The following NIBAN1 variants were observed in gnomAD, a reference collection of about 807,000 sequenced individuals.
The protein encoded by NIBAN1 is protein Niban 1.
In NIBAN1, 81 loss-of-function variants were observed where a neutral mutation model predicts 75.1. The ratio of observed to expected loss-of-function variants is 1.08; its 90% CI spans 0.90 to 1.30. The LOEUF (loss-of-function observed/expected upper bound fraction) is 1.30. NIBAN1 is among the 50% of genes most tolerant of loss of function. NIBAN1 has a pLI of 0.00. For synonymous variants in NIBAN1, 436 were observed against 424.8 expected, an observed-to-expected ratio of 1.03 and a Z score of -0.32; for missense variants, 1,133 against 1,128.1, an observed-to-expected ratio of 1.00 and a Z score of -0.06.
chr1:184,949,716 A>G (rs1006259740), intron 1 of NIBAN1, among the ~76,000 whole-genome samples: 31 of 152,214 alleles, frequency 2.0e-4, no homozygotes, highest in African/African-American at 7.5e-4. Flanking sequence ...AGGAGTCATT[A>G]GTCCTGTGAA....
At chr1:184,807,702 T>C (rs1654244328) in intron 10 of NIBAN1, among the ~76,000 whole-genome samples, 1 of 152,094 alleles carries the variant, frequency 6.6e-6, no homozygotes, top group Admixed American at 6.5e-5. Flanking sequence ...GGCAAGACAA[T>C]CACTTGAACC....
intron 5 of NIBAN1, among the ~76,000 whole-genome samples, chr1:184,845,430 T>C (rs898858266): frequency 6.6e-6 from 1 of 152,194 alleles, no homozygotes; most frequent in Non-Finnish European, 1.5e-5. Flanking sequence ...ATGATGACAT[T>C]ATGAAAAAGT....
intron 5 of NIBAN1, among the ~76,000 whole-genome samples, chr1:184,857,388 C>T (rs551445885): frequency 4.6e-5 from 7 of 152,228 alleles, no homozygotes; most frequent in African/African-American, 1.4e-4. Context: ...AATCTATTCC[C>T]GTGAGTGTGA....
At chr1:184,897,989 C>T (rs79632420) in intron 2 of NIBAN1, among the ~76,000 whole-genome samples, 8,612 of 152,256 alleles carry the variant, frequency 0.057, 281 homozygotes, top group Middle Eastern at 0.085. Flanking sequence ...AGAGGCCAGA[C>T]AGATCATCTA....
At chr1:184,869,113 G>T (rs1223494236) in intron 5 of NIBAN1, among the ~76,000 whole-genome samples, 1 of 152,164 alleles carries the variant, frequency 6.6e-6, no homozygotes, top group Non-Finnish European at 1.5e-5. Flanking sequence ...TCAAGCAAGG[G>T]AAACAGACTA....
Position 184,884,504 on chromosome 1 carries a change from C to T in NIBAN1, c.601+129G>A, listed in dbSNP as rs111407425. 2.2e-3 allele frequency: 2,740 copies of T among 1,238,146 alleles called. 48 individuals are homozygous for T. In the African/African-American group the frequency reaches 0.037, roughly 17 times the overall value. 76.7% of individuals were successfully genotyped at this position (1,238,146 alleles called of 1,614,324 possible). ...CTTCCCAAAGTGCTGGGATTACAGGCATGAGCCACCGCACTTGGCTCATCT... is the reference window on the plus strand; with the variant it reads ...CTTCCCAAAGTGCTGGGATTACAGGTATGAGCCACCGCACTTGGCTCATCT... On this transcript the variant is annotated intron_variant, in intron 5 of 13. Coordinates refer to ENST00000367511, the MANE Select transcript of NIBAN1 (RefSeq NM_052966.4).
In NIBAN1 at chr1:184,959,777, C is replaced by T. The variant is rs1232188223; in HGVS notation, c.55+14525G>A. On this transcript the variant is annotated intron_variant, in intron 1 of 13. Coordinates refer to ENST00000367511, the MANE Select transcript of NIBAN1 (RefSeq NM_052966.4). ...AATTTCTGCTCACTACTGCTGAAGACTCTAACTCATATCTATCATAAGGCC... is the reference window on the plus strand; with the variant it reads ...AATTTCTGCTCACTACTGCTGAAGATTCTAACTCATATCTATCATAAGGCC... Among the ~76,000 whole-genome samples the T allele has an allele frequency of 2.6e-5, 4 of 152,180 alleles. No individual in the cohort carries two copies. In the East Asian group the frequency reaches 7.7e-4, roughly 29 times the overall value.
chr1:184,956,394 G>A (rs1203461152), intron 1 of NIBAN1, among the ~76,000 whole-genome samples: 2 of 152,096 alleles, frequency 1.3e-5, no homozygotes, highest in African/African-American at 4.8e-5. Context: ...CTGAATGGAG[G>A]AAAAGAACAC....
rs201252908 is a variant in NIBAN1 at position 184,872,370 on chromosome 1, G to GA, written c.601+12262dup. Among the ~76,000 whole-genome samples, 554 of 150,304 alleles carry GA rather than the reference G, an allele frequency of 3.7e-3. 4 individuals carry two copies. The highest frequency in any genetic ancestry group is 0.014 in the Middle Eastern group (4 of 294). ...TGACAGAGCACAGAAACTGTTCAGG[G>GA]AAAAAAAAAGAGAGAAAAAAGATAG... On this transcript the variant is annotated intron_variant, in intron 5 of 13. Coordinates refer to ENST00000367511, the MANE Select transcript of NIBAN1 (RefSeq NM_052966.4).
rs376519532 is a variant in NIBAN1, at chr1:184,795,801, C to T, written c.1963G>A (p.Val655Met). 6.2e-7 allele frequency: 1 copy of T among 1,609,924 alleles called. No homozygotes were observed. Among genetic ancestry groups the T allele is most frequent in the Middle Eastern group, 1.7e-4 (1 of 6,034 alleles). ...PSPPPDGTEQ[V>M]IISRVDDPVV... ...GGGTCATCCACTCTTGAAATAATCA[C>T]CTGCTCAGTCCCATCTGGGGGTGGG... The change falls in exon 14 of 14, where the codon GTG (valine) becomes ATG (methionine). Residue 655 changes from valine (V) to methionine (M), a missense_variant. By Grantham distance (21) the Val-to-Met change is conservative. Coordinates refer to ENST00000367511, the MANE Select transcript of NIBAN1 (RefSeq NM_052966.4).
In NIBAN1 at chr1:184,802,907, G is replaced by A. The variant is rs114602740; in HGVS notation, c.1554+678C>T. Reference sequence around the variant, plus strand: ...TGGTGGTCACCAGGTCTGTGGCCTCGGCTCAGTGGCTTAACCACTCAGGTT... The same window carrying A: ...TGGTGGTCACCAGGTCTGTGGCCTCAGCTCAGTGGCTTAACCACTCAGGTT... On this transcript the variant is annotated intron_variant, in intron 12 of 13. Transcript: ENST00000367511. Among the ~76,000 whole-genome samples the A allele has an allele frequency of 2.8e-3, 427 of 152,232 alleles. 4 individuals carry two copies. The highest frequency in any genetic ancestry group is 9.9e-3 in the African/African-American group (411 of 41,538).
Position 184,965,175 on chromosome 1 carries a change from TGTA to T in NIBAN1, c.55+9124_55+9126del, listed in dbSNP as rs1323700350. ...TTAGCCAGGTGTGGTGGTGGGCGCCTGTAGTCCCAGCTACTCGAGAGGCTGACG... is the reference window on the plus strand; with the variant it reads ...TTAGCCAGGTGTGGTGGTGGGCGCCTGTCCCAGCTACTCGAGAGGCTGACG... On this transcript the variant is annotated intron_variant, in intron 1 of 13. Coordinates refer to ENST00000367511, the MANE Select transcript of NIBAN1 (RefSeq NM_052966.4). Among the ~76,000 whole-genome samples, 41 of 152,008 alleles carry T rather than the reference TGTA, an allele frequency of 2.7e-4. No individual in the cohort carries two copies. The East Asian group carries it at 8.0e-3, about 29-fold the overall frequency.
intron 3 of NIBAN1, among the ~76,000 whole-genome samples, chr1:184,892,884 G>A (rs954473731): frequency 6.6e-6 from 1 of 152,068 alleles, no homozygotes; most frequent in African/African-American, 2.4e-5. Flanking sequence ...TGATTCTCCT[G>A]CCTCACCCTC....
intron 5 of NIBAN1, among the ~76,000 whole-genome samples, chr1:184,868,833 C>CGGGCT: frequency 6.6e-6 from 1 of 152,238 alleles, no homozygotes; most frequent in East Asian, 1.9e-4. Flanking sequence ...GTTTAGAACA[C>CGGGCT]GGGCTTGAAG....
rs74132037 is a variant in NIBAN1, at chr1:184,791,197, G to A, written c.*3780C>T. The A allele has an allele frequency of 0.041, 15,139 of 373,590 alleles. 2,025 individuals are homozygous for A. Among genetic ancestry groups the A allele is most frequent in the African/African-American group, 0.29 (13,698 of 46,804 alleles). The allele number at this position is 373,590 out of a possible 1,614,324, so 23.1% of individuals were successfully genotyped here. On this transcript the variant is annotated 3_prime_UTR_variant, in exon 14 of 14. Coordinates refer to ENST00000367511, the MANE Select transcript of NIBAN1 (RefSeq NM_052966.4). The stretch of plus-strand genomic sequence containing the variant: ...CTTTAGAAGGCAAACCCTCAAACCC[G>A]TCTCTTTATGGTAAAGTGTGAAGGC...
rs558315996 is a variant in NIBAN1, at chr1:184,874,879, T to C, written c.601+9754A>G. ...TGGACATATAAGGCTATAGAATATA[T>C]ATTGTTTTCAAGGGCCTATGAGCTT... On this transcript the variant is annotated intron_variant, in intron 5 of 13. Coordinates refer to ENST00000367511, the MANE Select transcript of NIBAN1 (RefSeq NM_052966.4). Among the ~76,000 whole-genome samples, 3 of 152,134 alleles carry C rather than the reference T, an allele frequency of 2.0e-5. No individual in the cohort carries two copies. In the East Asian group the frequency reaches 5.8e-4, roughly 29 times the overall value.
At chr1:184,834,996 A>T (rs1414409282) in intron 5 of NIBAN1, among the ~76,000 whole-genome samples, 1 of 152,176 alleles carries the variant, frequency 6.6e-6, no homozygotes, top group Non-Finnish European at 1.5e-5. Flanking sequence ...TAAGTCTTTA[A>T]TCCATCTTGA....
Position 184,936,729 on chromosome 1 carries a change from C to T in NIBAN1, c.56-37420G>A, listed in dbSNP as rs559277224. On this transcript the variant is annotated intron_variant, in intron 1 of 13. Transcript: ENST00000367511. ...TGTGTGCGTGTGTGTGTGTAACCTC[C>T]CTCTGCTTTTCTCTTATAAAGATAT... 5.9e-5 allele frequency among the ~76,000 whole-genome samples: 9 copies of T among 152,160 alleles called. No individual in the cohort carries two copies. The South Asian group carries it at 1.9e-3, about 32-fold the overall frequency.
rs967718607 is a variant in NIBAN1, at chr1:184,793,960, T to C, written c.*1017A>G. On this transcript the variant is annotated 3_prime_UTR_variant, in exon 14 of 14. Coordinates refer to ENST00000367511, the MANE Select transcript of NIBAN1 (RefSeq NM_052966.4). Reference sequence around the variant, plus strand: ...TCATTTATTTATTTATTCATTCATTTTGTGCCCTTCTGGGAATGAACCAGG... The same window carrying C: ...TCATTTATTTATTTATTCATTCATTCTGTGCCCTTCTGGGAATGAACCAGG... 2.0e-5 allele frequency: 3 copies of C among 152,186 alleles called. No homozygotes were observed. Among genetic ancestry groups the C allele is most frequent in the Non-Finnish European group, 4.4e-5 (3 of 68,040 alleles). The allele number at this position is 152,186 out of a possible 1,614,324, so 9.4% of individuals were successfully genotyped here. A position where few individuals can be genotyped will look rare whatever the true frequency, so the allele number is the denominator to read the frequency against.
Sources: gnomAD v4.1 joint callset for allele counts (sites outside exome capture counted in the v4.1 genomes callset) on GRCh38, gnomAD v4.1.1 for gene constraint, MANE v1.5 for transcripts, NCBI Gene and HGNC (gene_info 2026-07-23, HGNC 2026-07-21) for gene names.